CROCC2: variants seen among roughly 807,000 people sequenced by gnomAD.
CROCC2 encodes ciliary rootlet coiled-coil protein 2.
In CROCC2, 163 loss-of-function variants were observed where a neutral mutation model predicts 177.6. That is an observed-to-expected ratio of 0.92 (90% CI 0.81 to 1.05). CROCC2 has a LOEUF of 1.05. Among genes scored for constraint, CROCC2 ranks in the 50% least tolerant of loss-of-function variants. The probability of loss-of-function intolerance (pLI) is 0.00; values close to 1 mark genes in which losing one functional copy is unlikely to be tolerated. For missense variants in CROCC2, 1,929 were observed against 1,797.8 expected, an observed-to-expected ratio of 1.07 and a Z score of -1.32; for synonymous variants, 904 against 787.3, an observed-to-expected ratio of 1.15 and a Z score of -2.48.
intron 20 of CROCC2, among the ~76,000 whole-genome samples, chr2:240,962,164 T>C (rs934015393): frequency 5.9e-5 from 9 of 152,206 alleles, no homozygotes; most frequent in African/African-American, 2.2e-4. Flanking sequence ...TGCCTCCCTG[T>C]AGGAGATTTT....
chr2:240,975,829 A>T (rs1014258265), intron 27 of CROCC2, among the ~76,000 whole-genome samples: 15 of 146,520 alleles, frequency 1.0e-4, no homozygotes, highest in African/African-American at 3.8e-4. Context: ...TCCCAGGTTC[A>T]AGTGATTCTC....
At position 240,988,763 on chromosome 2, in the gene CROCC2, G is replaced by A. The variant is rs901293695; in HGVS notation, c.4576G>A (p.Glu1526Lys). 2.1e-5 allele frequency: 32 copies of A among 1,499,428 alleles called. No homozygotes were observed. Among genetic ancestry groups the A allele is most frequent in the East Asian group, 1.0e-4 (4 of 38,786 alleles). 92.9% of individuals were successfully genotyped at this position (1,499,428 alleles called of 1,614,324 possible). The change falls in exon 29 of 32, where the codon GAG becomes AAG. Residue 1526 changes from glutamate to lysine, a missense_variant. Physicochemically the swap from Glu to Lys is moderately conservative, Grantham distance 56. Transcript: ENST00000690015. ...GATGGAGCAAGAGACACTGAAGAGGGAGGAGGATGTGGCGAGGCTGGGGGC... is the reference window on the plus strand; with the variant it reads ...GATGGAGCAAGAGACACTGAAGAGGAAGGAGGATGTGGCGAGGCTGGGGGC... ...RQMEQETLKR[E>K]EDVARLGAEK...
At position 240,993,200 on chromosome 2, in the gene CROCC2, T is replaced by A. The variant is rs2059891009; in HGVS notation, c.*119T>A. 3 of 657,604 alleles carry A rather than the reference T, an allele frequency of 4.6e-6. No homozygotes were observed. The highest frequency in any genetic ancestry group is 1.8e-5 in the African/African-American group (1 of 55,628). 40.7% of individuals were successfully genotyped at this position (657,604 alleles called of 1,614,324 possible). A position where few individuals can be genotyped will look rare whatever the true frequency, so the allele number is the denominator to read the frequency against. ...TGAAAGGCACCCGTGATGAGACAGC[T>A]CGCTCTCGGCAGTTTCAGGACCCTC... On this transcript the variant is annotated 3_prime_UTR_variant, in exon 32 of 32. Transcript: ENST00000690015.
At chr2:240,912,340 T>A (rs537164962) in intron 1 of CROCC2, among the ~76,000 whole-genome samples, 17 of 152,122 alleles carry the variant, frequency 1.1e-4, no homozygotes, top group Non-Finnish European at 2.4e-4. Context: ...CTGCCCCACC[T>A]CAGATGCCAA....
In CROCC2 at chr2:240,906,693, C is replaced by T. The variant is rs146499753; in HGVS notation, c.78+102C>T. Reference sequence around the variant, plus strand: ...GAGGGGATGGCCAGGAGGCACCTTCCTGGCTCCCGGGGCACTTTCCACTTG... The same window carrying T: ...GAGGGGATGGCCAGGAGGCACCTTCTTGGCTCCCGGGGCACTTTCCACTTG... On this transcript the variant is annotated intron_variant, in intron 1 of 31. Transcript: ENST00000690015. 857 of 398,472 alleles carry T rather than the reference C, an allele frequency of 2.2e-3. 6 individuals carry two copies. The highest frequency in any genetic ancestry group is 0.016 in the African/African-American group (770 of 48,754). The allele number at this position is 398,472 out of a possible 1,614,324, so 24.7% of individuals were successfully genotyped here.
chr2:240,949,383 G>A lies in CROCC2; in HGVS notation c.2483-150G>A. 9.1e-7 allele frequency: 1 copy of A among 1,096,214 alleles called. No homozygotes were observed. Among genetic ancestry groups the A allele is most frequent in the Non-Finnish European group, 1.3e-6 (1 of 769,312 alleles). The allele number at this position is 1,096,214 out of a possible 1,614,324, so 67.9% of individuals were successfully genotyped here. On this transcript the variant is annotated intron_variant, in intron 16 of 31. Coordinates refer to ENST00000690015, the MANE Select transcript of CROCC2 (RefSeq NM_001351305.2). This position sits in a 1 kb window ranked among gnomAD's most constrained non-coding sequence, Gnocchi z 4.5. ...GCTGCAGCCCTGTACCCTTGACCCT[G>A]CTCAGCCCACCCTGCCATGTGCTGG... is the stretch of plus-strand genomic sequence containing the variant.
intron 6 of CROCC2, among the ~76,000 whole-genome samples, chr2:240,930,556 G>A (rs575865975): frequency 2.0e-5 from 3 of 152,236 alleles, no homozygotes; most frequent in Non-Finnish European, 2.9e-5. Context: ...TGGGGTGGGG[G>A]ACACCTACCC....
At chr2:240,940,537 T>C (rs1012721453) in intron 14 of CROCC2, among the ~76,000 whole-genome samples, 2 of 152,134 alleles carry the variant, frequency 1.3e-5, no homozygotes, top group Admixed American at 1.3e-4. Context: ...CAGGGATGGT[T>C]TAACATACAT....
At position 240,966,270 on chromosome 2, in the gene CROCC2, C is replaced by T; in HGVS notation, c.4007C>T (p.Pro1336Leu). Residue 1336 changes from proline (P) to leucine (L), a missense_variant, in exon 25 of 32, where the codon CCC becomes CTC. By Grantham distance (98) the Pro-to-Leu change is moderately conservative. Transcript: ENST00000690015. ...QALPGQQGTS[P>L]PARPHSPLRW... ...CTCCCTGGGCAACAGGGTACCAGCCCCCCAGCCAGGCCCCACTCGCCCCTC... is the reference window on the plus strand; with the variant it reads ...CTCCCTGGGCAACAGGGTACCAGCCTCCCAGCCAGGCCCCACTCGCCCCTC... 1 of 556,434 alleles carries T rather than the reference C, an allele frequency of 1.8e-6. No homozygotes were observed. Among genetic ancestry groups the T allele is most frequent in the South Asian group, 9.0e-5 (1 of 11,088 alleles). The allele number at this position is 556,434 out of a possible 1,614,324, so 34.5% of individuals were successfully genotyped here. A position where few individuals can be genotyped will look rare whatever the true frequency, so the allele number is the denominator to read the frequency against.
chr2:240,923,173 C>T (rs1043289148), intron 4 of CROCC2, among the ~76,000 whole-genome samples: 3 of 151,984 alleles, frequency 2.0e-5, no homozygotes, highest in Admixed American at 6.5e-5. Flanking sequence ...CTCCCTGCCA[C>T]GGGTCAACCT....
Position 240,933,654 on chromosome 2 carries a change from C to T in CROCC2, c.1464-16C>T, listed in dbSNP as rs1476538399. On this transcript the variant is annotated splice_polypyrimidine_tract_variant and intron_variant, in intron 10 of 31. Coordinates refer to ENST00000690015, the MANE Select transcript of CROCC2 (RefSeq NM_001351305.2). Reference sequence around the variant, plus strand: ...TGTGTCCAGGGCCGCCCCAACTCTGCCCCCACCATCCCCAGGGAGAAGGCT... The same window carrying T: ...TGTGTCCAGGGCCGCCCCAACTCTGTCCCCACCATCCCCAGGGAGAAGGCT... 1 of 1,549,156 alleles carries T rather than the reference C, an allele frequency of 6.5e-7. No individual in the cohort carries two copies.
rs1006048885 is a variant in CROCC2 at position 240,960,760 on chromosome 2, G to A, written c.3087+1316G>A. Among the ~76,000 whole-genome samples the A allele has an allele frequency of 3.3e-5, 5 of 152,270 alleles. No homozygotes were observed. Among genetic ancestry groups the A allele is most frequent in the South Asian group, 2.1e-4 (1 of 4,822 alleles). On this transcript the variant is annotated intron_variant, in intron 20 of 31. Coordinates refer to ENST00000690015, the MANE Select transcript of CROCC2 (RefSeq NM_001351305.2). The surrounding 1 kb of genome is among the most constrained non-coding windows in gnomAD (Gnocchi z 5.0). The stretch of plus-strand genomic sequence containing the variant: ...GGCTCAGCCCTCCCCAAGCACCCCC[G>A]AGAGGCAGGCTGAGAGAGGAAGAGA...
intron 13 of CROCC2, 34 bp from the exon 14 acceptor site, chr2:240,935,324 G>T (rs1057245446): frequency 2.2e-5 from 30 of 1,334,572 alleles, no homozygotes; most frequent in Non-Finnish European, 2.8e-5. Context: ...AGGATGGGGG[G>T]AGTGGATGCA....
intron 7 of CROCC2, among the ~76,000 whole-genome samples, chr2:240,931,784 G>A (rs116657023): frequency 0.022 from 3,381 of 152,338 alleles, 123 homozygotes; most frequent in African/African-American, 0.076. Context: ...AGGGGGTCCA[G>A]CTGAGTCAAA....
At chr2:240,946,276 G>A in intron 15 of CROCC2, 23 bp downstream of exon 15, 1 of 1,509,432 alleles carries the variant, frequency 6.6e-7, no homozygotes, top group Non-Finnish European at 8.9e-7. Context: ...CTGCCAGTCA[G>A]GGCATGTCCC....
intron 14 of CROCC2, among the ~76,000 whole-genome samples, chr2:240,937,594 T>G (rs954665765): frequency 6.6e-6 from 1 of 152,190 alleles, no homozygotes; most frequent in African/African-American, 2.4e-5. Context: ...TCTGAAAAAT[T>G]TTTGCCTACC....
At chr2:240,933,914 A>G (rs548682224) in intron 11 of CROCC2, 62 bp downstream of exon 11, 2 of 1,490,852 alleles carry the variant, frequency 1.3e-6, no homozygotes, top group South Asian at 2.5e-5. Flanking sequence ...CTCTGCCACC[A>G]TCAGCCACTT....
intron 14 of CROCC2, among the ~76,000 whole-genome samples, chr2:240,939,366 G>A (rs2059484906): frequency 6.6e-6 from 1 of 152,030 alleles, no homozygotes; most frequent in Middle Eastern, 3.2e-3. Context: ...TCGTGAGTTA[G>A]TATCCATTTT....
At chr2:240,929,674 G>A (rs2059415422) in intron 5 of CROCC2, 1 of 456,032 alleles carries the variant, frequency 2.2e-6, no homozygotes, top group South Asian at 1.5e-5. Flanking sequence ...CCAACACCTG[G>A]ACATCTTCAG....
Sources: gnomAD v4.1 joint callset for allele counts (sites outside exome capture counted in the v4.1 genomes callset) on GRCh38, gnomAD v4.1.1 for gene constraint, Gnocchi (gnomAD v3.1) non-coding constraint, MANE v1.5 for transcripts, NCBI Gene and HGNC (gene_info 2026-07-23, HGNC 2026-07-21) for gene names.